Variants in DLGAP2 observed in about 807,000 individuals in gnomAD.
The protein encoded by DLGAP2 is disks large-associated protein 2.
A neutral mutation model predicts 100.3 loss-of-function variants in DLGAP2; 26 were observed. The observed-to-expected ratio is 0.26, with a 90% CI of 0.19 to 0.36. The LOEUF (loss-of-function observed/expected upper bound fraction) is 0.36. Among genes scored for constraint, DLGAP2 ranks in the 10% least tolerant of loss-of-function variants. The pLI is 1.00. For missense variants in DLGAP2, 1,858 were observed against 1,453.2 expected (o/e 1.28, Z -4.53); for synonymous variants, 886 against 630.1 (o/e 1.41, Z -6.08).
rs542963454 is a variant in DLGAP2, at chr8:1,040,608, C to T, written c.73+132642C>T. ...GTCGGCTCAGTGTGCGTGGTCAGCT[C>T]GGTGTGCGTGGTCGGCTCGATTTCC... On this transcript the variant is annotated intron_variant, in intron 2 of 14. Coordinates refer to ENST00000637795, the MANE Select transcript of DLGAP2 (RefSeq NM_001346810.2). 2.5e-4 allele frequency among the ~76,000 whole-genome samples: 36 copies of T among 145,152 alleles called. 1 individual carries two copies. The highest frequency in any genetic ancestry group is 7.5e-4 in the African/African-American group (29 of 38,636).
At chr8:866,147 C>T (rs561212365) in intron 1 of DLGAP2, among the ~76,000 whole-genome samples, 37 of 152,214 alleles carry the variant, frequency 2.4e-4, no homozygotes, top group African/African-American at 7.9e-4. Flanking sequence ...TCCTGCAGCA[C>T]GGTTGGCCGG....
chr8:1,118,303 T>C lies in DLGAP2; in HGVS notation c.74-140548T>C, dbSNP rs142741294. Among the ~76,000 whole-genome samples, 1,277 of 152,336 alleles carry C rather than the reference T, an allele frequency of 8.4e-3. 17 individuals are homozygous for C. Among genetic ancestry groups the C allele is most frequent in the African/African-American group, 0.029 (1,197 of 41,580 alleles). On this transcript the variant is annotated intron_variant, in intron 2 of 14. Transcript: ENST00000637795. Reference sequence around the variant, plus strand: ...TGCTGATTCCAGCATCTGCAGCTCTTGACCCCGTAGTGTGTGAGCAGAGAC... The same window carrying C: ...TGCTGATTCCAGCATCTGCAGCTCTCGACCCCGTAGTGTGTGAGCAGAGAC...
intron 6 of DLGAP2, among the ~76,000 whole-genome samples, chr8:1,626,068 T>G (rs940091618): frequency 1.5e-4 from 19 of 125,096 alleles, no homozygotes; most frequent in African/African-American, 6.9e-4. Flanking sequence ...CTTTCCCATC[T>G]CTGGCCTGTG....
chr8:1,223,373 C>G (rs1460557781), intron 2 of DLGAP2, among the ~76,000 whole-genome samples: 1 of 152,180 alleles, frequency 6.6e-6, no homozygotes, highest in African/African-American at 2.4e-5. Flanking sequence ...GCCATCTTGG[C>G]TCTTCTCCGC....
At chr8:843,842 C>T (rs958314879) in intron 1 of DLGAP2, among the ~76,000 whole-genome samples, 2 of 152,188 alleles carry the variant, frequency 1.3e-5, no homozygotes, top group African/African-American at 2.4e-5. Flanking sequence ...TACATTTCTT[C>T]ACGGGTATTA....
chr8:1,194,243 G>T (rs1021921716), intron 2 of DLGAP2, among the ~76,000 whole-genome samples: 1 of 152,102 alleles, frequency 6.6e-6, no homozygotes, highest in African/African-American at 2.4e-5. Flanking sequence ...TCAGCTGCTG[G>T]CAAGTTGGAA....
At chr8:1,324,960 G>A (rs1012138476) in intron 3 of DLGAP2, among the ~76,000 whole-genome samples, 2 of 152,148 alleles carry the variant, frequency 1.3e-5, no homozygotes, top group Admixed American at 6.5e-5. Context: ...AGGCAGACTC[G>A]GGATGAGAAT....
chr8:1,331,200 A>G (rs1801150224), intron 3 of DLGAP2, among the ~76,000 whole-genome samples: 1 of 152,202 alleles, frequency 6.6e-6, no homozygotes, highest in Non-Finnish European at 1.5e-5. Flanking sequence ...GTAGAAATGC[A>G]GCGATGTGGC....
At chr8:1,412,355 C>T (rs185853678) in intron 3 of DLGAP2, among the ~76,000 whole-genome samples, 1 of 152,318 alleles carries the variant, frequency 6.6e-6, no homozygotes, top group East Asian at 1.9e-4. Flanking sequence ...GGCTCTTTCT[C>T]CTCCATCTCT....
intron 3 of DLGAP2, among the ~76,000 whole-genome samples, chr8:1,430,411 G>A (rs553526000): frequency 6.6e-6 from 1 of 152,142 alleles, no homozygotes; most frequent in Non-Finnish European, 1.5e-5. Flanking sequence ...AAGTCATGCT[G>A]ATGTTTCTTC....
intron 1 of DLGAP2, among the ~76,000 whole-genome samples, chr8:774,295 A>G (rs1430189323): frequency 3.3e-5 from 5 of 151,988 alleles, no homozygotes; most frequent in African/African-American, 9.7e-5. Flanking sequence ...CCATTTTGTG[A>G]GTTGCCTGTT....
intron 2 of DLGAP2, among the ~76,000 whole-genome samples, chr8:1,067,455 A>AG (rs1563173793): frequency 6.6e-6 from 1 of 152,074 alleles, no homozygotes; most frequent in Non-Finnish European, 1.5e-5. Flanking sequence ...GCTTCCTGGG[A>AG]GGGGGCCACG....
rs143727969 is a variant in DLGAP2, at chr8:1,220,900, T to A, written c.74-37951T>A. Reference sequence around the variant, plus strand: ...ATCATTGTTGGTTTAAAGTCTTTTTTTCTGAAATAAGAATAGCAGCTCTTC... The same window carrying A: ...ATCATTGTTGGTTTAAAGTCTTTTTATCTGAAATAAGAATAGCAGCTCTTC... On this transcript the variant is annotated intron_variant, in intron 2 of 14. Transcript: ENST00000637795. Among the ~76,000 whole-genome samples, 10 of 152,332 alleles carry A rather than the reference T, an allele frequency of 6.6e-5. No homozygotes were observed. In the East Asian group the frequency reaches 1.9e-3, roughly 29 times the overall value.
intron 4 of DLGAP2, among the ~76,000 whole-genome samples, chr8:1,509,702 A>G (rs1800090360): frequency 1.3e-5 from 2 of 152,208 alleles, no homozygotes; most frequent in South Asian, 4.1e-4. Context: ...GTTTGTTAAC[A>G]AAAAGAGAAG....
chr8:1,574,380 C>A (rs982826271), intron 6 of DLGAP2, among the ~76,000 whole-genome samples: 2 of 152,108 alleles, frequency 1.3e-5, no homozygotes, highest in African/African-American at 4.8e-5. Context: ...TGTGCTGAAG[C>A]CAACACCATG....
intron 2 of DLGAP2, 66 bp downstream of exon 2, chr8:908,032 G>C (rs1282902773): frequency 5.0e-6 from 2 of 398,504 alleles, no homozygotes; most frequent in Non-Finnish European, 8.9e-6. Context: ...AGTGAGAAAT[G>C]TGATTACCTA....
In DLGAP2 at chr8:1,653,380, G is replaced by A. The variant is rs527307344; in HGVS notation, c.1811-14949G>A. Among the ~76,000 whole-genome samples the A allele has an allele frequency of 5.9e-5, 9 of 152,338 alleles. No individual in the cohort carries two copies. The South Asian group carries it at 8.3e-4, about 14-fold the overall frequency. ...CTGGGGTCATAGGGCTTCCTGTGGC[G>A]GGGCCAGAACCGAGCCCGGGTATCC... is the stretch of plus-strand genomic sequence containing the variant. On this transcript the variant is annotated intron_variant, in intron 8 of 14. Transcript: ENST00000637795.
chr8:1,002,952 C>T (rs562338403), intron 2 of DLGAP2: 14 of 152,348 alleles, frequency 9.2e-5, no homozygotes, highest in African/African-American at 3.1e-4. Flanking sequence ...GTCTGTGCCT[C>T]CTGGGATAAA....
intron 1 of DLGAP2, among the ~76,000 whole-genome samples, chr8:902,353 GC>G (rs1798270035): frequency 6.6e-6 from 1 of 151,116 alleles, no homozygotes; most frequent in African/African-American, 2.4e-5. Context: ...ATTGGCGGGC[GC>G]GGGGGCTGGG....
Sources: gnomAD v4.1 joint callset for allele counts (sites outside exome capture counted in the v4.1 genomes callset) on GRCh38, gnomAD v4.1.1 for gene constraint, MANE v1.5 for transcripts, NCBI Gene and HGNC (gene_info 2026-07-23, HGNC 2026-07-21) for gene names.